Variants in HS6ST3 observed in about 807,000 individuals in gnomAD.
The protein encoded by HS6ST3 is heparan sulfate 6-O-sulfotransferase 3, also known as heparan-sulfate 6-O-sulfotransferase 3.
HS6ST3 carries 12 observed loss-of-function variants against 36.7 expected under a neutral mutation model. The ratio of observed to expected loss-of-function variants is 0.33; its 90% CI spans 0.21 to 0.53. The LOEUF (loss-of-function observed/expected upper bound fraction) is 0.53, where lower values mean the gene tolerates loss of function less well. Among genes scored for constraint, HS6ST3 ranks in the 20% least tolerant of loss-of-function variants. The probability of loss-of-function intolerance (pLI) is 0.95; values close to 1 mark genes in which losing one functional copy is unlikely to be tolerated. For synonymous variants in HS6ST3, 240 were observed against 257.5 expected (o/e 0.93, Z 0.65); for missense variants, 584 against 640.9 (o/e 0.91, Z 0.96).
rs1039244344 is a variant in HS6ST3 at position 96,629,564 on chromosome 13, G to A, written c.708-202926G>A. On this transcript the variant is annotated intron_variant, in intron 1 of 1. Coordinates refer to ENST00000376705, the MANE Select transcript of HS6ST3 (RefSeq NM_153456.4). ...GCGTTCTCTCAATGCATTGCACACTGCCTTCTGGCCTCTATTGTGTTGAGA... is the reference window on the plus strand; with the variant it reads ...GCGTTCTCTCAATGCATTGCACACTACCTTCTGGCCTCTATTGTGTTGAGA... Among the ~76,000 whole-genome samples, 4 of 152,150 alleles carry A rather than the reference G, an allele frequency of 2.6e-5. No individual in the cohort carries two copies. In the East Asian group the frequency reaches 5.8e-4, roughly 22 times the overall value.
intron 1 of HS6ST3, among the ~76,000 whole-genome samples, chr13:96,597,610 T>G (rs61589117): frequency 0.048 from 7,225 of 152,100 alleles, 489 homozygotes; most frequent in African/African-American, 0.15. Flanking sequence ...TATAGTTTGC[T>G]AATATTTTCT....
At chr13:96,254,468 T>C (rs1439521999) in intron 1 of HS6ST3, among the ~76,000 whole-genome samples, 1 of 6,414 alleles carries the variant, frequency 1.6e-4, no homozygotes, top group Non-Finnish European at 3.6e-4. Flanking sequence ...TATATATATA[T>C]ATATATATAT....
intron 1 of HS6ST3, among the ~76,000 whole-genome samples, chr13:96,192,852 A>G (rs1388994758): frequency 6.6e-6 from 1 of 152,170 alleles, no homozygotes; most frequent in Non-Finnish European, 1.5e-5. Flanking sequence ...AATATATTAA[A>G]TTAGAATGAG....
At chr13:96,181,809 G>A (rs573791769) in intron 1 of HS6ST3, among the ~76,000 whole-genome samples, 2 of 152,110 alleles carry the variant, frequency 1.3e-5, no homozygotes, top group African/African-American at 2.4e-5. Context: ...TAAAAAGAGC[G>A]TTTTAATTTA....
At chr13:96,466,104 A>T (rs765689495) in intron 1 of HS6ST3, among the ~76,000 whole-genome samples, 1 of 151,962 alleles carries the variant, frequency 6.6e-6, no homozygotes, top group Non-Finnish European at 1.5e-5. Context: ...AACATGGCGA[A>T]ACCCTGTCTC....
chr13:96,230,834 A>G lies in HS6ST3; in HGVS notation c.707+139265A>G, dbSNP rs540995506. 8.5e-5 allele frequency among the ~76,000 whole-genome samples: 13 copies of G among 152,300 alleles called. 1 individual carries two copies. The highest frequency in any genetic ancestry group is 2.9e-4 in the African/African-American group (12 of 41,564). On this transcript the variant is annotated intron_variant, in intron 1 of 1. Coordinates refer to ENST00000376705, the MANE Select transcript of HS6ST3 (RefSeq NM_153456.4). ...CCAGTAAAGACAGATGGTTCATGAT[A>G]TAGCAGAGAAAGGAGGCAGGGTCCT...
chr13:96,444,854 G>T (rs2055690373), intron 1 of HS6ST3, among the ~76,000 whole-genome samples: 2 of 152,100 alleles, frequency 1.3e-5, no homozygotes, highest in Non-Finnish European at 2.9e-5. Flanking sequence ...TGAATGGATG[G>T]CATTGGCTGA....
intron 1 of HS6ST3, among the ~76,000 whole-genome samples, chr13:96,741,269 G>A (rs1393574510): frequency 1.3e-5 from 2 of 152,050 alleles, no homozygotes; most frequent in Non-Finnish European, 1.5e-5. Flanking sequence ...ATTTTACCTA[G>A]CCTAATCTAT....
chr13:96,781,529 A>C (rs1254955093), intron 1 of HS6ST3, among the ~76,000 whole-genome samples: 2 of 152,244 alleles, frequency 1.3e-5, no homozygotes, highest in Non-Finnish European at 2.9e-5. Context: ...CTTGATATTC[A>C]GTAGCTGTAT....
At chr13:96,419,710 C>T (rs2055553435) in intron 1 of HS6ST3, among the ~76,000 whole-genome samples, 1 of 152,144 alleles carries the variant, frequency 6.6e-6, no homozygotes, top group Admixed American at 6.5e-5. Flanking sequence ...TTCCTTTACT[C>T]TTCTAGCTTC....
chr13:96,329,393 A>G (rs78874662), intron 1 of HS6ST3, among the ~76,000 whole-genome samples: 24,088 of 89,820 alleles, frequency 0.27, 2,888 homozygotes, highest in African/African-American at 0.29. Flanking sequence ...CTTTGTTCTC[A>G]TTGGTTTCAA....
chr13:96,247,441 A>T (rs529600651), intron 1 of HS6ST3, among the ~76,000 whole-genome samples: 2 of 151,928 alleles, frequency 1.3e-5, no homozygotes, highest in East Asian at 3.9e-4. Context: ...TTCTCATGAG[A>T]TCTGCTGGTT....
At chr13:96,317,589 G>T (rs140652846) in intron 1 of HS6ST3, among the ~76,000 whole-genome samples, 6 of 151,484 alleles carry the variant, frequency 4.0e-5, no homozygotes, top group African/African-American at 1.5e-4. Context: ...TAATGGGATT[G>T]CTGACTTGAA....
chr13:96,576,899 G>A (rs192781298), intron 1 of HS6ST3, among the ~76,000 whole-genome samples: 129 of 130,282 alleles, frequency 9.9e-4, no homozygotes, highest in Middle Eastern at 5.7e-3. Flanking sequence ...AGCTGAGATC[G>A]CGCCACTGCA....
intron 1 of HS6ST3, among the ~76,000 whole-genome samples, chr13:96,106,381 A>G (rs982381684): frequency 1.5e-4 from 23 of 151,944 alleles, no homozygotes; most frequent in African/African-American, 5.6e-4. Context: ...CTCTCCACTT[A>G]CTCTGGGGGA....
intron 1 of HS6ST3, among the ~76,000 whole-genome samples, chr13:96,161,730 A>G (rs922628244): frequency 2.0e-5 from 3 of 152,232 alleles, no homozygotes; most frequent in African/African-American, 7.2e-5. Flanking sequence ...CAACAAATTC[A>G]TATCTGTGCT....
At chr13:96,341,498 G>T (rs2055129852) in intron 1 of HS6ST3, among the ~76,000 whole-genome samples, 1 of 151,904 alleles carries the variant, frequency 6.6e-6, no homozygotes, top group Non-Finnish European at 1.5e-5. Context: ...TATAGTGAAG[G>T]GCCAACTCTA....
At chr13:96,603,864 A>G (rs527697458) in intron 1 of HS6ST3, among the ~76,000 whole-genome samples, 4 of 152,284 alleles carry the variant, frequency 2.6e-5, no homozygotes, top group East Asian at 3.9e-4. Context: ...AATTTTACCC[A>G]TGTGTCTACT....
chr13:96,593,091 A>G (rs1051370583), intron 1 of HS6ST3, among the ~76,000 whole-genome samples: 3 of 136,804 alleles, frequency 2.2e-5, no homozygotes, highest in Non-Finnish European at 4.8e-5. Context: ...TTTTTAGGAC[A>G]TTTTCTAAAT....
Sources: gnomAD v4.1 joint callset for allele counts (sites outside exome capture counted in the v4.1 genomes callset) on GRCh38, gnomAD v4.1.1 for gene constraint, MANE v1.5 for transcripts, NCBI Gene and HGNC (gene_info 2026-07-23, HGNC 2026-07-21) for gene names.